The following COL26A1 variants were observed in gnomAD, a reference collection of about 807,000 sequenced individuals.
COL26A1 encodes the protein collagen alpha-1(XXVI) chain.
A neutral mutation model predicts 59.3 loss-of-function variants in COL26A1; 41 were observed. That is an observed-to-expected ratio of 0.69 (90% CI 0.54 to 0.90). COL26A1 has a LOEUF of 0.90. Among genes scored for constraint, COL26A1 ranks in the 40% least tolerant of loss-of-function variants. The pLI is 0.00. For missense variants in COL26A1, 612 were observed against 602.3 expected (o/e 1.02, Z -0.17); for synonymous variants, 266 against 256.0 (o/e 1.04, Z -0.37).
intron 3 of COL26A1, among the ~76,000 whole-genome samples, chr7:101,527,312 C>CTTTTTCT (rs1056488314): frequency 4.6e-5 from 7 of 151,792 alleles, no homozygotes; most frequent in African/African-American, 1.7e-4. Flanking sequence ...TTTCTCTTTT[C>CTTTTTCT]TTTTTCTTTT....
In COL26A1 at chr7:101,418,390, C is replaced by G. The variant is rs551223128; in HGVS notation, c.159-1587C>G. Among the ~76,000 whole-genome samples the G allele has an allele frequency of 2.6e-5, 4 of 152,282 alleles. No homozygotes were observed. In the South Asian group the frequency reaches 8.3e-4, roughly 32 times the overall value. On this transcript the variant is annotated intron_variant, in intron 1 of 12. Coordinates refer to ENST00000313669, the MANE Select transcript of COL26A1 (RefSeq NM_001278563.3). ...CCTTCAATGTGGGCCCATCTACTTTCTGTCTCTTAGGGACCCCTCCAAATG... is the reference window on the plus strand; with the variant it reads ...CCTTCAATGTGGGCCCATCTACTTTGTGTCTCTTAGGGACCCCTCCAAATG...
chr7:101,526,796 C>T (rs1795256408), intron 3 of COL26A1, among the ~76,000 whole-genome samples: 1 of 152,168 alleles, frequency 6.6e-6, no homozygotes, highest in African/African-American at 2.4e-5. Flanking sequence ...GTGAAGAGTC[C>T]TGGAGCCTGA....
chr7:101,401,587 GGAGGAA>G (rs1792000067), intron 1 of COL26A1, among the ~76,000 whole-genome samples: 1 of 150,594 alleles, frequency 6.6e-6, no homozygotes, highest in African/African-American at 2.4e-5. Flanking sequence ...AGGAAAAGGA[GGAGGAA>G]GAGGAAGAGT....
intron 3 of COL26A1, among the ~76,000 whole-genome samples, chr7:101,522,516 C>T (rs1200048622): frequency 6.6e-6 from 1 of 152,200 alleles, no homozygotes; most frequent in Non-Finnish European, 1.5e-5. Flanking sequence ...CTGCAGCCCC[C>T]AGCAACTATT....
At chr7:101,489,601 T>TTTCTTTCTTTC (rs1794340620) in intron 3 of COL26A1, among the ~76,000 whole-genome samples, 4 of 105,232 alleles carry the variant, frequency 3.8e-5, no homozygotes, top group Middle Eastern at 0.011. Flanking sequence ...TTTTCTTTCT[T>TTTCTTTCTTTC]TTTCTTTCTT....
At chr7:101,382,110 A>G (rs74369470) in intron 1 of COL26A1, among the ~76,000 whole-genome samples, 3,516 of 152,296 alleles carry the variant, frequency 0.023, 149 homozygotes, top group African/African-American at 0.079. Context: ...GTGCAGTTGC[A>G]TGATTATGGC....
intron 3 of COL26A1, among the ~76,000 whole-genome samples, chr7:101,456,482 T>A (rs1206691432): frequency 1.3e-5 from 2 of 151,960 alleles, no homozygotes; most frequent in Non-Finnish European, 2.9e-5. Context: ...CTGACCAACA[T>A]GGAGAAACCT....
In COL26A1 at chr7:101,363,152, C is replaced by T. The variant is rs757943554; in HGVS notation, c.120C>T (p.Pro40=). ...TGCAGCAGCACGGCTACCCCGAGCC[C>T]GGCGCCGGCTCCCCTGGCAGCGGCT... is the stretch of plus-strand genomic sequence containing the variant. ...AALQQHGYPE[P]GAGSPGSGYA... Residue 40 remains proline (P), a synonymous_variant, in exon 1 of 13, where the codon CCC becomes CCT. Transcript: ENST00000313669. 35 of 1,498,892 alleles carry T rather than the reference C, an allele frequency of 2.3e-5. No individual in the cohort carries two copies. The highest frequency in any genetic ancestry group is 2.0e-4 in the South Asian group (16 of 81,482). 92.8% of individuals were successfully genotyped at this position (1,498,892 alleles called of 1,614,324 possible).
intron 1 of COL26A1, among the ~76,000 whole-genome samples, chr7:101,400,774 G>A (rs1471570592): frequency 6.6e-6 from 1 of 152,070 alleles, no homozygotes; most frequent in Non-Finnish European, 1.5e-5. Flanking sequence ...GGCCAGGCTG[G>A]TCTTGAACTC....
At chr7:101,428,247 C>T (rs1792693576) in intron 2 of COL26A1, among the ~76,000 whole-genome samples, 1 of 151,364 alleles carries the variant, frequency 6.6e-6, no homozygotes, top group African/African-American at 2.4e-5. Context: ...GTTCCAGCTA[C>T]TCAGGAGGCT....
chr7:101,484,136 T>C (rs926395268), intron 3 of COL26A1, among the ~76,000 whole-genome samples: 5 of 151,524 alleles, frequency 3.3e-5, no homozygotes, highest in Admixed American at 6.6e-5. Flanking sequence ...AAATGTGAGC[T>C]ACTGCACCTG....
intron 3 of COL26A1, among the ~76,000 whole-genome samples, chr7:101,528,407 A>T (rs910900275): frequency 6.6e-6 from 1 of 151,932 alleles, no homozygotes; most frequent in Non-Finnish European, 1.5e-5. Context: ...TGTCATTTGT[A>T]ACTTCCCCAT....
At chr7:101,450,470 C>T (rs540281239) in intron 3 of COL26A1, among the ~76,000 whole-genome samples, 1 of 152,054 alleles carries the variant, frequency 6.6e-6, no homozygotes, top group Non-Finnish European at 1.5e-5. Context: ...ATGTGGCCTG[C>T]GTTAGCATAG....
chr7:101,406,730 A>C (rs1159199449), intron 1 of COL26A1, among the ~76,000 whole-genome samples: 1 of 152,138 alleles, frequency 6.6e-6, no homozygotes, highest in Non-Finnish European at 1.5e-5. Context: ...GAATCTCTTG[A>C]GCCCAGGAGT....
intron 1 of COL26A1, chr7:101,389,002 C>A: frequency 3.4e-6 from 1 of 294,818 alleles, no homozygotes. Flanking sequence ...TGGGGCTTCC[C>A]CTTCTTGGGC....
At chr7:101,509,596 G>T (rs1479002554) in intron 3 of COL26A1, among the ~76,000 whole-genome samples, 1 of 152,176 alleles carries the variant, frequency 6.6e-6, no homozygotes, top group East Asian at 1.9e-4. Context: ...GCTGCCAGAT[G>T]AAGAGTGGGG....
At chr7:101,525,111 G>A (rs192236564) in intron 3 of COL26A1, among the ~76,000 whole-genome samples, 78 of 150,856 alleles carry the variant, frequency 5.2e-4, no homozygotes, top group African/African-American at 1.7e-3. Context: ...CTTTCTAAGA[G>A]CCAGGTGGAG....
At chr7:101,388,243 C>T (rs1049092309) in intron 1 of COL26A1, among the ~76,000 whole-genome samples, 1 of 151,360 alleles carries the variant, frequency 6.6e-6, no homozygotes, top group Non-Finnish European at 1.5e-5. Context: ...GAGGCTAAGG[C>T]GGGTGGATCA....
intron 3 of COL26A1, among the ~76,000 whole-genome samples, chr7:101,491,755 C>A (rs1018711693): frequency 6.6e-6 from 1 of 152,084 alleles, no homozygotes; most frequent in Admixed American, 6.6e-5. Flanking sequence ...GGGTTTTGGC[C>A]GGTTTCTTTA....
Sources: allele counts gnomAD v4.1 joint callset (sites outside exome capture counted in the v4.1 genomes callset), GRCh38; gene constraint gnomAD v4.1.1; transcripts MANE v1.5; gene names NCBI Gene and HGNC (gene_info 2026-07-23, HGNC 2026-07-21).